FAM174A: variants seen among roughly 807,000 people sequenced by gnomAD.
The protein encoded by FAM174A is family with sequence similarity 174 member A.
In FAM174A, 14 loss-of-function variants were observed where a neutral mutation model predicts 14.3. That is an observed-to-expected ratio of 0.98 (90% CI 0.65 to 1.53). The LOEUF (loss-of-function observed/expected upper bound fraction) is 1.53, where lower values mean the gene tolerates loss of function less well. Ranked by LOEUF, FAM174A falls within the 40% of genes most tolerant of loss-of-function variation. The pLI is 0.00. For missense variants in FAM174A, 241 were observed against 249.6 expected, an observed-to-expected ratio of 0.97 and a Z score of 0.23; for synonymous variants, 108 against 111.4, an observed-to-expected ratio of 0.97 and a Z score of 0.19.
intron 1 of FAM174A, among the ~76,000 whole-genome samples, chr5:100,545,669 C>T (rs949457506): frequency 1.3e-5 from 2 of 152,116 alleles, no homozygotes; most frequent in Non-Finnish European, 2.9e-5. Flanking sequence ...TGTTTCTATG[C>T]TAATTAATTT....
chr5:100,574,126 A>C (rs1442004708), intron 2 of FAM174A, among the ~76,000 whole-genome samples: 1 of 152,158 alleles, frequency 6.6e-6, no homozygotes, highest in Non-Finnish European at 1.5e-5. Flanking sequence ...GTACCACTGA[A>C]TTGGATTCTA....
In FAM174A at chr5:100,586,168, CT is replaced by C; in HGVS notation, c.570-8del. On this transcript the variant is annotated splice_polypyrimidine_tract_variant and intron_variant, in intron 2 of 2. Transcript: ENST00000312637. ...GAAAGGATATTTATGGTATTTTTTT[CT>C]TTTTCTTGCAGATAAGAATGTGCCT... 2 of 1,349,416 alleles carry C rather than the reference CT, an allele frequency of 1.5e-6. No homozygotes were observed. Among genetic ancestry groups the C allele is most frequent in the Admixed American group, 2.0e-5 (1 of 50,550 alleles). The allele number at this position is 1,349,416 out of a possible 1,614,324, so 83.6% of individuals were successfully genotyped here.
chr5:100,568,054 C>T lies in FAM174A; in HGVS notation c.569+5866C>T, dbSNP rs963682892. Among the ~76,000 whole-genome samples the T allele has an allele frequency of 4.5e-4, 69 of 151,892 alleles. 1 individual carries two copies. The highest frequency in any genetic ancestry group is 1.6e-3 in the African/African-American group (68 of 41,390). On this transcript the variant is annotated intron_variant, in intron 2 of 2. Coordinates refer to ENST00000312637, the MANE Select transcript of FAM174A (RefSeq NM_198507.3). ...TTAGAACATAATTATTTTCAAACTT[C>T]ATTATTTGTTTTCTGTTTACCAGTC...
At chr5:100,576,883 T>C (rs1241804020) in intron 2 of FAM174A, among the ~76,000 whole-genome samples, 3 of 152,202 alleles carry the variant, frequency 2.0e-5, no homozygotes, top group Non-Finnish European at 2.9e-5. Flanking sequence ...AAATCTCAGT[T>C]CTTGGACTGT....
chr5:100,565,984 T>C (rs1004792376), intron 2 of FAM174A, among the ~76,000 whole-genome samples: 2 of 149,528 alleles, frequency 1.3e-5, no homozygotes, highest in African/African-American at 5.0e-5. Context: ...TTCAATATCA[T>C]AAGAACAGCA....
chr5:100,582,658 G>A (rs1298189595), intron 2 of FAM174A, among the ~76,000 whole-genome samples: 3 of 152,092 alleles, frequency 2.0e-5, no homozygotes, highest in African/African-American at 7.2e-5. Flanking sequence ...TAGGCAATAA[G>A]AGAGTAAATG....
At chr5:100,538,872 G>A (rs550008147) in intron 1 of FAM174A, among the ~76,000 whole-genome samples, 10 of 152,154 alleles carry the variant, frequency 6.6e-5, no homozygotes, top group Admixed American at 1.3e-4. Context: ...GCCAGGGAGC[G>A]GGGGTGGGGG....
intron 2 of FAM174A, among the ~76,000 whole-genome samples, chr5:100,580,903 AGTTT>A (rs139187894): frequency 7.2e-5 from 11 of 151,970 alleles, no homozygotes; most frequent in African/African-American, 1.2e-4. Flanking sequence ...TCTGTTGCAG[AGTTT>A]GTTTGTTTGT....
chr5:100,566,659 T>C (rs1055273332), intron 2 of FAM174A, among the ~76,000 whole-genome samples: 1 of 151,884 alleles, frequency 6.6e-6, no homozygotes, highest in African/African-American at 2.4e-5. Context: ...ATTGCAGTGA[T>C]TGTTTCACGT....
chr5:100,570,250 C>G (rs1028212518), intron 2 of FAM174A, among the ~76,000 whole-genome samples: 3 of 151,822 alleles, frequency 2.0e-5, no homozygotes, highest in African/African-American at 7.2e-5. Context: ...GTGGCTTAGA[C>G]ATTTTTTTCG....
At chr5:100,574,898 G>A (rs1327806064) in intron 2 of FAM174A, among the ~76,000 whole-genome samples, 5 of 152,130 alleles carry the variant, frequency 3.3e-5, no homozygotes, top group African/African-American at 1.2e-4. Flanking sequence ...CTTACTGCAG[G>A]ACGTATTAGA....
chr5:100,569,343 A>G lies in FAM174A; in HGVS notation c.569+7155A>G, dbSNP rs374913367. On this transcript the variant is annotated intron_variant, in intron 2 of 2. Coordinates refer to ENST00000312637, the MANE Select transcript of FAM174A (RefSeq NM_198507.3). ...ATGCCATTTACTATGTCATATGTAT[A>G]TGAACATATATGACATAGAGTTACA... is the stretch of plus-strand genomic sequence containing the variant. Among the ~76,000 whole-genome samples, 264 of 151,634 alleles carry G rather than the reference A, an allele frequency of 1.7e-3. 4 individuals are homozygous for G. Among genetic ancestry groups the G allele is most frequent in the Middle Eastern group, 6.9e-3 (2 of 288 alleles).
At chr5:100,538,539 A>G (rs1187450845) in intron 1 of FAM174A, among the ~76,000 whole-genome samples, 1 of 152,066 alleles carries the variant, frequency 6.6e-6, no homozygotes, top group Non-Finnish European at 1.5e-5. Flanking sequence ...GTATATATAT[A>G]TATGCAAGGA....
At chr5:100,546,587 G>T (rs1050454450) in intron 1 of FAM174A, among the ~76,000 whole-genome samples, 3 of 152,066 alleles carry the variant, frequency 2.0e-5, no homozygotes, top group Admixed American at 1.3e-4. Flanking sequence ...TCTTTCATTG[G>T]TATGAATTTG....
chr5:100,557,348 T>C (rs1746413144), intron 1 of FAM174A, among the ~76,000 whole-genome samples: 1 of 152,226 alleles, frequency 6.6e-6, no homozygotes, highest in African/African-American at 2.4e-5. Context: ...CAGTATTTTA[T>C]TGAGGATTTT....
Position 100,535,866 on chromosome 5 carries a change from C to A in FAM174A, c.336C>A (p.Ser112Arg). The A allele has an allele frequency of 6.2e-7, 1 of 1,612,796 alleles. No individual in the cohort carries two copies. The highest frequency in any genetic ancestry group is 8.5e-7 in the Non-Finnish European group (1 of 1,179,898). Residue 112 changes from serine to arginine, a missense_variant, in exon 1 of 3, where the codon AGC becomes AGA. By Grantham distance (110) the Ser-to-Arg change is moderately radical. Coordinates refer to ENST00000312637, the MANE Select transcript of FAM174A (RefSeq NM_198507.3). Reference sequence around the variant, plus strand: ...CGGTGGGTGGCGGCCTTGCTGTGAGCCCCAACCCTGGCGACAAGCCCATGA... The same window carrying A: ...CGGTGGGTGGCGGCCTTGCTGTGAGACCCAACCCTGGCGACAAGCCCATGA... Reference protein sequence around the residue: ...EGSVGGGLAVSPNPGDKPMTQ... With the variant: ...EGSVGGGLAVRPNPGDKPMTQ...
intron 1 of FAM174A, among the ~76,000 whole-genome samples, chr5:100,542,559 T>G (rs1349525841): frequency 2.0e-5 from 3 of 152,232 alleles, no homozygotes; most frequent in Non-Finnish European, 4.4e-5. Context: ...CCACTTCACC[T>G]GTCTCTCTTT....
At chr5:100,560,571 A>G (rs2112384441) in intron 1 of FAM174A, among the ~76,000 whole-genome samples, 1 of 152,150 alleles carries the variant, frequency 6.6e-6, no homozygotes, top group Admixed American at 6.6e-5. Context: ...GTAAATTTTA[A>G]CACTGAGACC....
At chr5:100,566,523 A>G (rs543400740) in intron 2 of FAM174A, among the ~76,000 whole-genome samples, 1 of 151,936 alleles carries the variant, frequency 6.6e-6, no homozygotes, top group Middle Eastern at 3.4e-3. Flanking sequence ...AGCAATGTGA[A>G]TATAGTTAAC....
Sources: gnomAD v4.1 joint callset for allele counts (sites outside exome capture counted in the v4.1 genomes callset) on GRCh38, gnomAD v4.1.1 for gene constraint, MANE v1.5 for transcripts, NCBI Gene and HGNC (gene_info 2026-07-23, HGNC 2026-07-21) for gene names.